The following DPP6 variants were observed in gnomAD, a reference collection of about 807,000 sequenced individuals.
DPP6 encodes dipeptidyl peptidase like 6.
In DPP6, 69 loss-of-function variants were observed where a neutral mutation model predicts 122.6. The observed-to-expected ratio is 0.56, with a 90% CI of 0.46 to 0.69. The LOEUF is 0.69. Ranked by LOEUF, DPP6 falls within the 30% of genes least tolerant of loss-of-function variation. The pLI is 0.00. For synonymous variants in DPP6, 418 were observed against 433.1 expected, an observed-to-expected ratio of 0.97 and a Z score of 0.43; for missense variants, 928 against 1,116.9, an observed-to-expected ratio of 0.83 and a Z score of 2.41.
the DPP6 span, among the ~76,000 whole-genome samples, chr7:153,764,642 G>A: frequency 6.6e-6 from 1 of 151,684 alleles, no homozygotes; most frequent in Non-Finnish European, 1.5e-5. Flanking sequence ...TAGAATGTTG[G>A]AAGATGGCTT....
In DPP6 at chr7:154,062,402, A is replaced by G. The variant is rs1171291691; in HGVS notation, c.243+9339A>G. 5.1e-3 allele frequency among the ~76,000 whole-genome samples: 2 copies of G among 396 alleles called. 1 individual carries two copies. Among genetic ancestry groups the G allele is most frequent in the African/African-American group, 0.059 (2 of 34 alleles). 0.3% of individuals were successfully genotyped at this position (396 alleles called of 152,430 possible). A position where few individuals can be genotyped will look rare whatever the true frequency, so the allele number is the denominator to read the frequency against. On this transcript the variant is annotated intron_variant, in intron 1 of 25. Coordinates refer to ENST00000377770, the MANE Select transcript of DPP6 (RefSeq NM_130797.4). ...CCCTGGCTTTTGGTACCCCCATCGCAGGGGGGGGAGGCACCCTCCGCTAGG... is the reference window on the plus strand; with the variant it reads ...CCCTGGCTTTTGGTACCCCCATCGCGGGGGGGGGAGGCACCCTCCGCTAGG...
intron 1 of DPP6, among the ~76,000 whole-genome samples, chr7:154,239,212 T>G (rs2150868953): frequency 6.6e-6 from 1 of 152,364 alleles, no homozygotes; most frequent in Middle Eastern, 3.4e-3. Flanking sequence ...ATTTCCCGTA[T>G]GGAATTGAGG....
At chr7:154,425,983 G>C (rs1033259986) in intron 1 of DPP6, among the ~76,000 whole-genome samples, 3 of 152,142 alleles carry the variant, frequency 2.0e-5, no homozygotes, top group Non-Finnish European at 2.9e-5. Context: ...TTGGCATTAA[G>C]TTTGAGGGTT....
At chr7:154,574,533 G>A (rs1004735943) in intron 5 of DPP6, among the ~76,000 whole-genome samples, 2 of 143,728 alleles carry the variant, frequency 1.4e-5, no homozygotes, top group Admixed American at 1.4e-4. Flanking sequence ...TATGTGTGGT[G>A]TGTATGGTGT....
chr7:153,817,459 T>C, the DPP6 span, among the ~76,000 whole-genome samples: 2 of 148,250 alleles, frequency 1.3e-5, no homozygotes, highest in African/African-American at 5.0e-5. Context: ...CTTTATAACC[T>C]CATTGGGAAG....
intron 5 of DPP6, among the ~76,000 whole-genome samples, chr7:154,637,184 T>G (rs1276174406): frequency 6.6e-6 from 1 of 152,184 alleles, no homozygotes; most frequent in Non-Finnish European, 1.5e-5. Context: ...GCGTCCGAGA[T>G]TTGAGGGTTA....
At chr7:153,765,549 C>CAA in the DPP6 span, among the ~76,000 whole-genome samples, 7,513 of 137,282 alleles carry the variant, frequency 0.055, 222 homozygotes, top group African/African-American at 0.071. Flanking sequence ...TGTAAAAAAA[C>CAA]AAAAAAAAAA....
the DPP6 span, among the ~76,000 whole-genome samples, chr7:153,805,173 T>C: frequency 6.6e-6 from 1 of 152,224 alleles, no homozygotes. Context: ...ATATTTCAAA[T>C]TTTAAGTGCC....
intron 16 of DPP6, among the ~76,000 whole-genome samples, chr7:154,808,567 T>G (rs1384843279): frequency 1.3e-5 from 2 of 152,136 alleles, no homozygotes; most frequent in Non-Finnish European, 2.9e-5. Flanking sequence ...TGGCAAACCC[T>G]AAGCCAGAAG....
At chr7:154,811,380 T>C (rs541606295) in intron 16 of DPP6, among the ~76,000 whole-genome samples, 95 of 152,324 alleles carry the variant, frequency 6.2e-4, no homozygotes, top group African/African-American at 2.0e-3. Context: ...GATGATTGCC[T>C]AAGGGATGAG....
intron 1 of DPP6, among the ~76,000 whole-genome samples, chr7:154,000,203 C>A (rs1307688274): frequency 6.6e-6 from 1 of 152,180 alleles, no homozygotes; most frequent in Non-Finnish European, 1.5e-5. Flanking sequence ...ACTAAATATT[C>A]TTTTGCAAAT....
intron 1 of DPP6, among the ~76,000 whole-genome samples, chr7:154,418,328 T>A (rs1817196435): frequency 6.6e-6 from 1 of 152,254 alleles, no homozygotes; most frequent in South Asian, 2.1e-4. Context: ...CTTACAAGAT[T>A]GTAAATTTTG....
At chr7:153,786,942 C>CT in the DPP6 span, among the ~76,000 whole-genome samples, 2 of 144,378 alleles carry the variant, frequency 1.4e-5, no homozygotes, top group African/African-American at 2.6e-5. Flanking sequence ...GGAAGATTTC[C>CT]TTTTTTTTGT....
chr7:154,092,926 AT>A (rs1185272558), intron 1 of DPP6: 1 of 152,136 alleles, frequency 6.6e-6, no homozygotes, highest in Non-Finnish European at 1.5e-5. Flanking sequence ...TTCTACAAAA[AT>A]ATGGAGCCGT....
At chr7:154,283,257 G>A (rs1804644593) in intron 1 of DPP6, among the ~76,000 whole-genome samples, 2 of 152,158 alleles carry the variant, frequency 1.3e-5, no homozygotes, top group South Asian at 4.1e-4. Context: ...CCACAGGGTT[G>A]CTTTGAATCC....
In DPP6 at chr7:154,406,519, G is replaced by A. The variant is rs183797942; in HGVS notation, c.244-39695G>A. 3.9e-3 allele frequency among the ~76,000 whole-genome samples: 591 copies of A among 151,196 alleles called. 4 individuals carry two copies. Among genetic ancestry groups the A allele is most frequent in the African/African-American group, 0.013 (552 of 41,160 alleles). On this transcript the variant is annotated intron_variant, in intron 1 of 25. Transcript: ENST00000377770. ...CACACATACATGCACACACATCCAC[G>A]CACAAATGCACACACACACGCACCT...
intron 1 of DPP6, among the ~76,000 whole-genome samples, chr7:154,274,972 T>A (rs1259179297): frequency 6.6e-6 from 1 of 152,262 alleles, no homozygotes; most frequent in East Asian, 1.9e-4. Flanking sequence ...GGGATCCTTG[T>A]GCAGTTGGCA....
Position 154,854,544 on chromosome 7 carries a change from G to A in DPP6, c.1714+717G>A, listed in dbSNP as rs1016047351. Among the ~76,000 whole-genome samples, 6 of 152,188 alleles carry A rather than the reference G, an allele frequency of 3.9e-5. No individual in the cohort carries two copies. In the South Asian group the frequency reaches 1.2e-3, roughly 31 times the overall value. On this transcript the variant is annotated intron_variant, in intron 17 of 25. Transcript: ENST00000377770. ...GGAGGACGAGGAACAGTTACGGAGG[G>A]TGATCAGATATCAGGGGTGGAGACC...
chr7:154,061,067 C>G (rs1266374143), intron 1 of DPP6, among the ~76,000 whole-genome samples: 4 of 149,026 alleles, frequency 2.7e-5, no homozygotes, highest in Non-Finnish European at 6.0e-5. Flanking sequence ...CCGACGGGTC[C>G]GAACGCAGCT....
Sources: gnomAD v4.1 joint callset for allele counts (sites outside exome capture counted in the v4.1 genomes callset) on GRCh38, gnomAD v4.1.1 for gene constraint, MANE v1.5 for transcripts, NCBI Gene and HGNC (gene_info 2026-07-23, HGNC 2026-07-21) for gene names.